The following TTLL8 variants were observed in gnomAD, a reference collection of about 807,000 sequenced individuals.
The protein encoded by TTLL8 is tubulin tyrosine ligase like 8.
In TTLL8, 65 loss-of-function variants were observed where a neutral mutation model predicts 77.8. The observed-to-expected ratio is 0.84, with a 90% CI of 0.68 to 1.03. TTLL8 has a LOEUF of 1.03. TTLL8 is among the 50% of genes least tolerant of loss of function. The pLI is 0.00. For missense variants in TTLL8, 910 were observed against 1,004.5 expected, an observed-to-expected ratio of 0.91 and a Z score of 1.27; for synonymous variants, 402 against 422.8, an observed-to-expected ratio of 0.95 and a Z score of 0.60.
chr22:50,030,184 G>GA, intron 12 of TTLL8: 1 of 985,326 alleles, frequency 1.0e-6, no homozygotes, highest in Non-Finnish European at 1.2e-6. Flanking sequence ...CTACAGAGGG[G>GA]ACCCCACCAT....
intron 8 of TTLL8, among the ~76,000 whole-genome samples, chr22:50,039,143 T>C (rs1351032478): frequency 1.3e-5 from 2 of 152,206 alleles, no homozygotes; most frequent in Non-Finnish European, 2.9e-5. Context: ...TTTCAAGTTT[T>C]GATATCAGGC....
intron 11 of TTLL8, 91 bp downstream of exon 12, chr22:50,031,595 G>A: frequency 2.5e-6 from 3 of 1,197,166 alleles, no homozygotes; most frequent in East Asian, 5.8e-5. Context: ...TGCACTGGCG[G>A]CCTGCAGCTC....
At chr22:50,058,214 C>T, upstream of TTLL8, among the ~76,000 whole-genome samples, 1 of 151,568 alleles carries the variant, frequency 6.6e-6, no homozygotes, top group Non-Finnish European at 1.5e-5. The surrounding 1 kb of genome is among the most constrained non-coding windows in gnomAD (Gnocchi z 4.2). Flanking sequence ...CCTGGGACAA[C>T]GTGCTGGGGC....
chr22:50,056,283 C>A (rs1381302298), upstream of TTLL8, among the ~76,000 whole-genome samples: 1 of 151,574 alleles, frequency 6.6e-6, no homozygotes, highest in Non-Finnish European at 1.5e-5. This position sits in a 1 kb window ranked among gnomAD's most constrained non-coding sequence, Gnocchi z 4.1. Context: ...GGAAGAGCTC[C>A]AAATGGCCAA....
chr22:50,047,547 G>A (rs1190058082), intron 3 of TTLL8, among the ~76,000 whole-genome samples: 1 of 152,206 alleles, frequency 6.6e-6, no homozygotes, highest in Non-Finnish European at 1.5e-5. Flanking sequence ...GCTGCAGGTG[G>A]GGTCTGAGCC....
intron 12 of TTLL8, among the ~76,000 whole-genome samples, chr22:50,026,559 G>C (rs548149889): frequency 1.3e-5 from 2 of 152,348 alleles, no homozygotes; most frequent in African/African-American, 4.8e-5. Flanking sequence ...AGCGCAGACC[G>C]TGCCGCTCCA....
Position 50,034,617 on chromosome 22 carries a change from G to A in TTLL8, c.922-155C>T, listed in dbSNP as rs1363854517. On this transcript the variant is annotated intron_variant, in intron 8 of 13. Coordinates refer to ENST00000266182, the Ensembl canonical transcript of TTLL8. The surrounding 1 kb of genome is among the most constrained non-coding windows in gnomAD (Gnocchi z 4.1). ...TCTGGGGCTGGCCTGGCGGGAAAGG[G>A]CTGCGGGTCGGCCCAGGAAGTTCTC... 4 of 718,544 alleles carry A rather than the reference G, an allele frequency of 5.6e-6. No individual in the cohort carries two copies. The highest frequency in any genetic ancestry group is 7.9e-6 in the Non-Finnish European group (4 of 505,340). The allele number at this position is 718,544 out of a possible 1,614,324, so 44.5% of individuals were successfully genotyped here.
chr22:50,045,377 C>T (rs751259578), exon 6 of TTLL8: 12 of 1,365,652 alleles, frequency 8.8e-6, no homozygotes, highest in East Asian at 4.5e-5. Flanking sequence ...TGCCATGGTG[C>T]GCCGGAAGTC....
At chr22:50,021,163 T>TGATGTGTTCTCCTCCATCTGAC (rs2061195638) in intron 12 of TTLL8, among the ~76,000 whole-genome samples, 1 of 132,746 alleles carries the variant, frequency 7.5e-6, no homozygotes, top group African/African-American at 2.9e-5. Context: ...CTCCATCTGA[T>TGATGTGTTCTCCTCCATCTGAC]GTGCACTCCT....
exon 5 of TTLL8, chr22:50,045,901 G>A (rs747165636): frequency 1.5e-5 from 20 of 1,361,404 alleles, no homozygotes; most frequent in South Asian, 1.3e-4. Context: ...CTGTAGCAGC[G>A]TGGGAAGAAG....
upstream of TTLL8, among the ~76,000 whole-genome samples, chr22:50,057,370 TGGGG>T (rs1159133721): frequency 1.4e-5 from 1 of 70,674 alleles, no homozygotes; most frequent in Non-Finnish European, 2.4e-5. Flanking sequence ...AGGTCTGGGT[TGGGG>T]GATCAGGTCT....
intron 2 of TTLL8, among the ~76,000 whole-genome samples, chr22:50,049,553 G>A (rs1462240654): frequency 6.6e-6 from 1 of 152,182 alleles, no homozygotes; most frequent in Non-Finnish European, 1.5e-5. Context: ...ACCTCCCCAG[G>A]GCTGTGACAG....
At chr22:50,031,614 C>T in intron 11 of TTLL8, 72 bp downstream of exon 12, 1 of 1,207,912 alleles carries the variant, frequency 8.3e-7, no homozygotes, top group Non-Finnish European at 1.1e-6. Context: ...TCCACCCTCG[C>T]CCAGTGACCA....
At chr22:50,022,386 C>T (rs2061209303) in intron 12 of TTLL8, among the ~76,000 whole-genome samples, 1 of 146,098 alleles carries the variant, frequency 6.8e-6, no homozygotes, top group Middle Eastern at 4.3e-3. Flanking sequence ...CTCCATCTGA[C>T]AATGTGTACT....
At chr22:50,046,298 C>T (rs771554344) in intron 4 of TTLL8, among the ~76,000 whole-genome samples, 10 of 152,190 alleles carry the variant, frequency 6.6e-5, no homozygotes, top group African/African-American at 1.7e-4. Flanking sequence ...GGCCCCCAAA[C>T]GGGCCACAGG....
intron 3 of TTLL8, among the ~76,000 whole-genome samples, chr22:50,048,432 G>A (rs2061425775): frequency 6.6e-6 from 1 of 152,040 alleles, no homozygotes; most frequent in Admixed American, 6.6e-5. Flanking sequence ...TCGCCCCTGG[G>A]TGAGGACGCA....
At chr22:50,022,324 G>A (rs567683594) in intron 12 of TTLL8, among the ~76,000 whole-genome samples, 6 of 139,976 alleles carry the variant, frequency 4.3e-5, no homozygotes, top group Admixed American at 7.2e-5. Flanking sequence ...CTCCGACGAC[G>A]TGCACTCCTC....
At chr22:50,035,049 A>G (rs555323305) in intron 8 of TTLL8, among the ~76,000 whole-genome samples, 7 of 151,886 alleles carry the variant, frequency 4.6e-5, no homozygotes, top group East Asian at 3.9e-4. Flanking sequence ...GGGAATAAGG[A>G]GAGGGTGGGG....
chr22:50,048,008 A>G (rs903640432), intron 3 of TTLL8, among the ~76,000 whole-genome samples: 2 of 152,114 alleles, frequency 1.3e-5, no homozygotes, highest in Non-Finnish European at 2.9e-5. Context: ...GAGGCAGGAG[A>G]ATCACTTGAA....
Sources: gnomAD v4.1 joint callset for allele counts (sites outside exome capture counted in the v4.1 genomes callset) on GRCh38, gnomAD v4.1.1 for gene constraint, Gnocchi (gnomAD v3.1) non-coding constraint, MANE v1.5 for transcripts, NCBI Gene and HGNC (gene_info 2026-07-23, HGNC 2026-07-21) for gene names.